Variants in ADAM12 observed in about 807,000 individuals in gnomAD.
The protein encoded by ADAM12 is disintegrin and metalloproteinase domain-containing protein 12.
Under a neutral mutation model 106.4 loss-of-function variants are expected in ADAM12, and 70 were observed. The observed-to-expected ratio is 0.66, with a 90% CI of 0.54 to 0.80. The LOEUF is 0.80. ADAM12 is among the 30% of genes least tolerant of loss of function. The pLI is 0.00. For missense variants in ADAM12, 1,010 were observed against 1,171.9 expected (o/e 0.86, Z 2.02); for synonymous variants, 420 against 433.5 (o/e 0.97, Z 0.39).
intron 21 of ADAM12, among the ~76,000 whole-genome samples, chr10:126,022,185 C>T (rs892114914): frequency 2.0e-5 from 3 of 152,178 alleles, no homozygotes; most frequent in East Asian, 1.9e-4. Context: ...TTGCCTGGGA[C>T]GTTCCCAATT....
intron 3 of ADAM12, among the ~76,000 whole-genome samples, chr10:126,184,249 T>C (rs1316229518): frequency 6.6e-6 from 1 of 152,242 alleles, no homozygotes; most frequent in Non-Finnish European, 1.5e-5. Context: ...CAAAGTGATA[T>C]TTCGGTGCCG....
Position 126,049,292 on chromosome 10 carries a change from T to C in ADAM12, c.1878A>G (p.Pro626=). The C allele has an allele frequency of 6.2e-7, 1 of 1,614,258 alleles. No individual in the cohort carries two copies. Residue 626 remains proline, a synonymous_variant, in exon 16 of 23, where the codon CCA becomes CCG. Transcript: ENST00000448723. The surrounding 1 kb of genome is among the most constrained non-coding windows in gnomAD (Gnocchi z 4.4). The stretch of plus-strand genomic sequence containing the variant: ...ACTTTGTGCCTGCAAGCACAAGCCC[T>C]GGGTCCGGCATGTCATCGCCCAAGT... ...HVYLGDDMPD[P]GLVLAGTKCA...
At chr10:126,041,530 A>G (rs117283768) in intron 18 of ADAM12, 28,355 of 985,818 alleles carry the variant, frequency 0.029, 461 homozygotes, top group South Asian at 0.041. Context: ...GCAAAGAGCC[A>G]GAGTTCACCG....
chr10:126,060,589 C>T lies in ADAM12; in HGVS notation c.1609+4217G>A, dbSNP rs554543918. Among the ~76,000 whole-genome samples, 24 of 152,334 alleles carry T rather than the reference C, an allele frequency of 1.6e-4. 1 individual carries two copies. The South Asian group carries it at 4.8e-3, about 30-fold the overall frequency. On this transcript the variant is annotated intron_variant, in intron 14 of 22. Transcript: ENST00000448723. The stretch of plus-strand genomic sequence containing the variant: ...GGTGGGGAAATACTGCAAATGCAAA[C>T]TTGACAATAAGTTTTCCTTTCTGAA...
At chr10:126,041,546 TCTC>T in intron 18 of ADAM12, 1 of 985,852 alleles carries the variant, frequency 1.0e-6, no homozygotes, top group South Asian at 4.7e-5. Flanking sequence ...CACCGCCCTT[TCTC>T]CTACCTTCTT....
chr10:126,161,192 G>A (rs1372738265), intron 3 of ADAM12, among the ~76,000 whole-genome samples: 1 of 152,308 alleles, frequency 6.6e-6, no homozygotes, highest in East Asian at 1.9e-4. Flanking sequence ...GCCCTGCAGA[G>A]AGCCTGCACC....
At chr10:126,317,753 TA>T (rs1853936251) in intron 2 of ADAM12, among the ~76,000 whole-genome samples, 1 of 152,216 alleles carries the variant, frequency 6.6e-6, no homozygotes, top group African/African-American at 2.4e-5. Context: ...TTTCCTTTTA[TA>T]CCATTTTATT....
intron 1 of ADAM12, among the ~76,000 whole-genome samples, chr10:126,383,585 G>A (rs1321857132): frequency 2.0e-5 from 3 of 151,730 alleles, no homozygotes; most frequent in South Asian, 2.1e-4. Flanking sequence ...TAGTGACAAC[G>A]AAAAAAGATA....
intron 5 of ADAM12, among the ~76,000 whole-genome samples, chr10:126,132,506 C>CAGG (rs1221086205): frequency 1.4e-5 from 2 of 142,548 alleles, no homozygotes; most frequent in Non-Finnish European, 3.0e-5. Flanking sequence ...GGAATTATCC[C>CAGG]AGGAGTGCTG....
intron 1 of ADAM12, among the ~76,000 whole-genome samples, chr10:126,335,162 T>G (rs557005279): frequency 1.3e-5 from 2 of 152,348 alleles, no homozygotes; most frequent in South Asian, 2.1e-4. Flanking sequence ...TATTGATCAT[T>G]TGAAAATGCC....
rs188865111 is a variant in ADAM12 at position 126,253,545 on chromosome 10, G to A, written c.260+25370C>T. Among the ~76,000 whole-genome samples the A allele has an allele frequency of 5.0e-4, 76 of 152,326 alleles. 2 individuals carry two copies. The highest frequency in any genetic ancestry group is 4.4e-3 in the Admixed American group (67 of 15,306). Reference sequence around the variant, plus strand: ...AAAACTAGCTAATGGCAGTGTCCACGAATCATCCCACTTGAAGATTAGAAC... The same window carrying A: ...AAAACTAGCTAATGGCAGTGTCCACAAATCATCCCACTTGAAGATTAGAAC... On this transcript the variant is annotated intron_variant, in intron 3 of 22. Transcript: ENST00000448723.
Position 126,388,094 on chromosome 10 carries a change from G to C in ADAM12, c.52C>G (p.Leu18Val). Reference protein sequence around the residue: ...VSPARALLLALAGALLAPCEA... With the variant: ...VSPARALLLAVAGALLAPCEA... The stretch of plus-strand genomic sequence containing the variant: ...CAGGGCGCGAGCAGAGCACCGGCCA[G>C]GGCGAGCAGGAGGGCGCGGGCGGGG... The change falls in exon 1 of 23, where the codon CTG becomes GTG. Residue 18 changes from leucine (L) to valine (V), a missense_variant. By Grantham distance (32) the Leu-to-Val change is conservative (BLOSUM62 1). Transcript: ENST00000448723. This position sits in a 1 kb window ranked among gnomAD's most constrained non-coding sequence, Gnocchi z 4.4. 4 of 1,234,376 alleles carry C rather than the reference G, an allele frequency of 3.2e-6. No individual in the cohort carries two copies. The highest frequency in any genetic ancestry group is 3.2e-4 in the Middle Eastern group (1 of 3,118). The allele number at this position is 1,234,376 out of a possible 1,614,324, so 76.5% of individuals were successfully genotyped here. A position where few individuals can be genotyped will look rare whatever the true frequency, so the allele number is the denominator to read the frequency against.
intron 3 of ADAM12, among the ~76,000 whole-genome samples, chr10:126,158,304 G>C (rs1956857084): frequency 6.6e-6 from 1 of 151,978 alleles, no homozygotes; most frequent in Non-Finnish European, 1.5e-5. Flanking sequence ...AGGAGGCACA[G>C]AGCACAGGGG....
chr10:126,312,078 C>G (rs1961124510), intron 2 of ADAM12, among the ~76,000 whole-genome samples: 1 of 141,076 alleles, frequency 7.1e-6, no homozygotes, highest in Non-Finnish European at 1.5e-5. Context: ...AGCATCATAA[C>G]TGAACTGTAG....
Position 126,388,089 on chromosome 10 carries a change from G to C in ADAM12, c.57C>G (p.Ala19=). ...SPARALLLAL[A]GALLAPCEAR... ...CCTCGCAGGGCGCGAGCAGAGCACC[G>C]GCCAGGGCGAGCAGGAGGGCGCGGG... is the stretch of plus-strand genomic sequence containing the variant. The change falls in exon 1 of 23, where the codon GCC becomes GCG. Residue 19 remains alanine, a synonymous_variant. Transcript: ENST00000448723. The surrounding 1 kb of genome is among the most constrained non-coding windows in gnomAD (Gnocchi z 4.4). The C allele has an allele frequency of 8.1e-7, 1 of 1,234,446 alleles. No individual in the cohort carries two copies. Among genetic ancestry groups the C allele is most frequent in the South Asian group, 3.9e-5 (1 of 25,938 alleles). 76.5% of individuals were successfully genotyped at this position (1,234,446 alleles called of 1,614,324 possible).
At chr10:126,019,869 A>G in intron 21 of ADAM12, 44 bp from the exon 22 acceptor site, 1 of 1,564,342 alleles carries the variant, frequency 6.4e-7, no homozygotes, top group African/African-American at 1.4e-5. Flanking sequence ...ACCAGGAGCC[A>G]GCAGAGGCCC....
intron 1 of ADAM12, among the ~76,000 whole-genome samples, chr10:126,338,245 C>CCTT (rs1854780488): frequency 9.4e-6 from 1 of 106,348 alleles, no homozygotes; most frequent in African/African-American, 3.7e-5. Flanking sequence ...CAGTAACTTA[C>CCTT]ATTTTTTTTT....
In ADAM12 at chr10:126,227,714, G is replaced by C. The variant is rs368224560; in HGVS notation, c.260+51201C>G. Among the ~76,000 whole-genome samples the C allele has an allele frequency of 7.7e-4, 117 of 152,292 alleles. 1 individual carries two copies. In the South Asian group the frequency reaches 0.023, roughly 30 times the overall value. ...CAGCAGAAAGTGACTGCTTTGGAGAGAGTACCCCCATCACCTTTCTCTTTC... is the reference window on the plus strand; with the variant it reads ...CAGCAGAAAGTGACTGCTTTGGAGACAGTACCCCCATCACCTTTCTCTTTC... On this transcript the variant is annotated intron_variant, in intron 3 of 22. Transcript: ENST00000448723.
chr10:126,329,392 G>A (rs1409670590), intron 2 of ADAM12, among the ~76,000 whole-genome samples: 1 of 151,998 alleles, frequency 6.6e-6, no homozygotes, highest in Non-Finnish European at 1.5e-5. Context: ...CTCTTTTACT[G>A]TATCTATTAT....
Sources: allele counts gnomAD v4.1 joint callset (sites outside exome capture counted in the v4.1 genomes callset), GRCh38; gene constraint gnomAD v4.1.1; non-coding constraint Gnocchi (gnomAD v3.1); transcripts MANE v1.5; gene names NCBI Gene and HGNC (gene_info 2026-07-23, HGNC 2026-07-21).